Variants in DERA observed in about 807,000 individuals in gnomAD.
DERA encodes deoxyribose-phosphate aldolase.
A neutral mutation model predicts 41.1 loss-of-function variants in DERA; 15 were observed. That is an observed-to-expected ratio of 0.37 (90% CI 0.24 to 0.56). The LOEUF (loss-of-function observed/expected upper bound fraction) is 0.56, where lower values mean the gene tolerates loss of function less well. DERA is among the 20% of genes least tolerant of loss of function. The probability of loss-of-function intolerance (pLI) is 0.81; values close to 1 mark genes in which losing one functional copy is unlikely to be tolerated. For missense variants in DERA, 396 were observed against 403.4 expected, an observed-to-expected ratio of 0.98 and a Z score of 0.16; for synonymous variants, 139 against 137.4, an observed-to-expected ratio of 1.01 and a Z score of -0.08.
At chr12:15,975,888 C>G (rs1161882225) in intron 5 of DERA, among the ~76,000 whole-genome samples, 1 of 152,176 alleles carries the variant, frequency 6.6e-6, no homozygotes, top group Non-Finnish European at 1.5e-5. Context: ...CTCCAAGGAG[C>G]TCTTGCTCCT....
Position 16,019,771 on chromosome 12 carries a change from T to G in DERA, c.638-12771T>G, listed in dbSNP as rs887551226. On this transcript the variant is annotated intron_variant, in intron 6 of 8. Transcript: ENST00000428559. The surrounding 1 kb of genome is among the most constrained non-coding windows in gnomAD (Gnocchi z 4.4). ...AGTTATTTCTCTGATCCTTTGTAATTCTTATTGATCATAATACTTACTGGG... is the reference window on the plus strand; with the variant it reads ...AGTTATTTCTCTGATCCTTTGTAATGCTTATTGATCATAATACTTACTGGG... Among the ~76,000 whole-genome samples, 3 of 152,208 alleles carry G rather than the reference T, an allele frequency of 2.0e-5. No homozygotes were observed. The highest frequency in any genetic ancestry group is 7.2e-5 in the African/African-American group (3 of 41,460).
At chr12:16,016,007 C>T (rs184037167) in intron 6 of DERA, among the ~76,000 whole-genome samples, 5 of 152,176 alleles carry the variant, frequency 3.3e-5, no homozygotes, top group East Asian at 1.9e-4. Context: ...CCTCTTCAGG[C>T]GGTTTTAGTA....
chr12:15,956,797 T>C (rs1463414170), intron 1 of DERA, 139 bp from the exon 2 acceptor site: 2 of 755,140 alleles, frequency 2.6e-6, no homozygotes, highest in East Asian at 5.0e-5. Context: ...TTATTTATAG[T>C]TGTACAAAAA....
At chr12:15,951,204 A>G (rs750669727) in intron 1 of DERA, among the ~76,000 whole-genome samples, 1 of 152,240 alleles carries the variant, frequency 6.6e-6, no homozygotes, top group Non-Finnish European at 1.5e-5. Context: ...GGGCCAGAGC[A>G]GGCTCTAAGT....
At position 16,017,521 on chromosome 12, in the gene DERA, A is replaced by G. The variant is rs993387928; in HGVS notation, c.638-15021A>G. Among the ~76,000 whole-genome samples, 1 of 152,216 alleles carries G rather than the reference A, an allele frequency of 6.6e-6. No homozygotes were observed. The highest frequency in any genetic ancestry group is 1.5e-5 in the Non-Finnish European group (1 of 68,040). On this transcript the variant is annotated intron_variant, in intron 6 of 8. Coordinates refer to ENST00000428559, the MANE Select transcript of DERA (RefSeq NM_015954.4). The surrounding 1 kb of genome is among the most constrained non-coding windows in gnomAD (Gnocchi z 5.5). ...TGGAATCACAGTCTCCAGATTTAGT[A>G]TTAGTATCACATTGATACCTCCAGA...
At chr12:15,973,914 AT>A (rs1023724435) in intron 5 of DERA, among the ~76,000 whole-genome samples, 1 of 152,130 alleles carries the variant, frequency 6.6e-6, no homozygotes, top group African/African-American at 2.4e-5. Context: ...ATATCAAATT[AT>A]TTTTTAACTT....
Position 15,954,970 on chromosome 12 carries a change from A to G in DERA, c.32-1966A>G, listed in dbSNP as rs1236663361. Among the ~76,000 whole-genome samples the G allele has an allele frequency of 6.6e-6, 1 of 151,882 alleles. No individual in the cohort carries two copies. The highest frequency in any genetic ancestry group is 1.5e-5 in the Non-Finnish European group (1 of 67,966). On this transcript the variant is annotated intron_variant, in intron 1 of 8. Transcript: ENST00000428559. This position sits in a 1 kb window ranked among gnomAD's most constrained non-coding sequence, Gnocchi z 4.0. ...CTTGAAACAGTCTTTACCATGAACCAAATCAGCATTATCAATCATCTGAGG... is the reference window on the plus strand; with the variant it reads ...CTTGAAACAGTCTTTACCATGAACCGAATCAGCATTATCAATCATCTGAGG...
Position 16,036,745 on chromosome 12 carries a change from A to C in DERA, c.956A>C (p.Ter319SerextTer23), listed in dbSNP as rs1592061711. Residue 319 changes from the stop codon to serine, a stop_lost, in exon 9 of 9, where the codon TAA becomes TCA. Transcript: ENST00000428559. The surrounding 1 kb of genome is among the most constrained non-coding windows in gnomAD (Gnocchi z 4.9). ...YAAYHDLPMS[*>S] ...GCTTATCATGATCTTCCAATGTCTT[A>C]AATCAGTCACCAGTTCCAGAAAAGT... 2 of 1,589,960 alleles carry C rather than the reference A, an allele frequency of 1.3e-6. No homozygotes were observed. The highest frequency in any genetic ancestry group is 8.5e-7 in the Non-Finnish European group (1 of 1,170,302).
At chr12:15,955,350 G>C (rs2136145531) in intron 1 of DERA, among the ~76,000 whole-genome samples, 1 of 151,906 alleles carries the variant, frequency 6.6e-6, no homozygotes, top group East Asian at 1.9e-4. Flanking sequence ...TTTCTTACAG[G>C]TCTTAGATAA....
At chr12:15,997,323 A>T (rs867896964) in intron 6 of DERA, among the ~76,000 whole-genome samples, 7 of 152,196 alleles carry the variant, frequency 4.6e-5, no homozygotes, top group Middle Eastern at 3.2e-3. Flanking sequence ...GTTTAAAAAA[A>T]ATATTTGCAG....
At position 15,984,147 on chromosome 12, in the gene DERA, T is replaced by C. The variant is rs141526413; in HGVS notation, c.637+1711T>C. On this transcript the variant is annotated intron_variant, in intron 6 of 8. Transcript: ENST00000428559. The surrounding 1 kb of genome is among the most constrained non-coding windows in gnomAD (Gnocchi z 4.5). ...GTAGCCACGCTGTTGGTTGTGCACA[T>C]GGAGCTGAGATACTCCTCAGGGTCA... Among the ~76,000 whole-genome samples the C allele has an allele frequency of 1.1e-3, 160 of 152,324 alleles. 1 individual carries two copies. In the East Asian group the frequency reaches 0.026, roughly 24 times the overall value.
rs9634134 is a variant in DERA, at chr12:15,936,130, G to A, written c.32-20806G>A. ...TACCAAATATTGAAGTCACACGTGGGTATTTCCACAATCTCCACTTGGTTA... is the reference window on the plus strand; with the variant it reads ...TACCAAATATTGAAGTCACACGTGGATATTTCCACAATCTCCACTTGGTTA... On this transcript the variant is annotated intron_variant, in intron 1 of 8. Coordinates refer to ENST00000428559, the MANE Select transcript of DERA (RefSeq NM_015954.4). The surrounding 1 kb of genome is among the most constrained non-coding windows in gnomAD (Gnocchi z 4.6). 1.7e-3 allele frequency among the ~76,000 whole-genome samples: 259 copies of A among 152,324 alleles called. 8 individuals are homozygous for A. The East Asian group carries it at 0.041, about 24-fold the overall frequency.
intron 5 of DERA, among the ~76,000 whole-genome samples, chr12:15,977,958 G>A (rs1948709705): frequency 6.6e-6 from 1 of 152,180 alleles, no homozygotes; most frequent in African/African-American, 2.4e-5. Flanking sequence ...TGCTTCACTT[G>A]TAATTTCCTC....
chr12:15,974,540 G>T (rs1948684824), intron 5 of DERA, among the ~76,000 whole-genome samples: 1 of 152,054 alleles, frequency 6.6e-6, no homozygotes, highest in South Asian at 2.1e-4. Context: ...CATTATTTCA[G>T]GAGTCACAAG....
intron 5 of DERA, among the ~76,000 whole-genome samples, chr12:15,968,086 C>CTTTTTTT (rs368286741): frequency 1.4e-5 from 2 of 141,872 alleles, no homozygotes; most frequent in East Asian, 4.1e-4. Flanking sequence ...TCTTCTTCTT[C>CTTTTTTT]TTTTTTTTTT....
Position 16,009,751 on chromosome 12 carries a change from G to A in DERA, c.638-22791G>A, listed in dbSNP as rs1860580509. On this transcript the variant is annotated intron_variant, in intron 6 of 8. Coordinates refer to ENST00000428559, the MANE Select transcript of DERA (RefSeq NM_015954.4). The surrounding 1 kb of genome is among the most constrained non-coding windows in gnomAD (Gnocchi z 5.3). Reference sequence around the variant, plus strand: ...TGGGAGAAATTATATCTACAATGTAGAAGACTCTAACATGTACTCTAAGGG... The same window carrying A: ...TGGGAGAAATTATATCTACAATGTAAAAGACTCTAACATGTACTCTAAGGG... Among the ~76,000 whole-genome samples the A allele has an allele frequency of 6.6e-6, 1 of 152,000 alleles. No homozygotes were observed. Among genetic ancestry groups the A allele is most frequent in the South Asian group, 2.1e-4 (1 of 4,810 alleles).
intron 6 of DERA, among the ~76,000 whole-genome samples, chr12:16,022,861 A>C (rs1429532625): frequency 6.6e-6 from 1 of 152,126 alleles, no homozygotes; most frequent in Non-Finnish European, 1.5e-5. Context: ...TTTTACCTCC[A>C]AGAACCCCAC....
Position 15,988,983 on chromosome 12 carries a change from ACAG to A in DERA, c.637+6549_637+6551del, listed in dbSNP as rs1409554426. On this transcript the variant is annotated intron_variant, in intron 6 of 8. Transcript: ENST00000428559. The surrounding 1 kb of genome is among the most constrained non-coding windows in gnomAD (Gnocchi z 6.0). Reference sequence around the variant, plus strand: ...ATTGCGGCAGCATCCAGGCTCAGCCACAGCTTTGCTCCGCAGTGGAGAAGGCTC... The same window carrying A: ...ATTGCGGCAGCATCCAGGCTCAGCCACTTTGCTCCGCAGTGGAGAAGGCTC... 1.2e-4 allele frequency among the ~76,000 whole-genome samples: 18 copies of A among 152,242 alleles called. No individual in the cohort carries two copies. Among genetic ancestry groups the A allele is most frequent in the Non-Finnish European group, 1.3e-4 (9 of 68,040 alleles).
chr12:16,007,852 T>TTG (rs1027935540), intron 6 of DERA, among the ~76,000 whole-genome samples: 7 of 152,008 alleles, frequency 4.6e-5, no homozygotes, highest in African/African-American at 1.7e-4. Flanking sequence ...GTGTTTTGTT[T>TTG]TGTTTTGTTT....
Sources: allele counts gnomAD v4.1 joint callset (sites outside exome capture counted in the v4.1 genomes callset), GRCh38; gene constraint gnomAD v4.1.1; non-coding constraint Gnocchi (gnomAD v3.1); transcripts MANE v1.5; gene names NCBI Gene and HGNC (gene_info 2026-07-23, HGNC 2026-07-21).